The following KCNG4 variants were observed in gnomAD, a reference collection of about 807,000 sequenced individuals.
KCNG4 encodes the protein potassium voltage-gated channel modifier subfamily G member 4.
Under a neutral mutation model 28.2 loss-of-function variants are expected in KCNG4, and 30 were observed. The observed-to-expected ratio is 1.06, with a 90% CI of 0.80 to 1.44. The LOEUF is 1.44. KCNG4 is among the 40% of genes most tolerant of loss of function. The pLI is 0.00. For missense variants in KCNG4, 879 were observed against 712.3 expected, an observed-to-expected ratio of 1.23 and a Z score of -2.66; for synonymous variants, 375 against 315.5, an observed-to-expected ratio of 1.19 and a Z score of -2.00.
chr16:84,230,266 A>G (rs371515415), intron 2 of KCNG4, among the ~76,000 whole-genome samples: 297 of 152,190 alleles, frequency 2.0e-3, no homozygotes, highest in Non-Finnish European at 2.8e-3. Flanking sequence ...TTAGCTGGGC[A>G]TGGTGGTGGG....
Position 84,237,109 on chromosome 16 carries a change from A to G in KCNG4, c.377T>C (p.Phe126Ser). ...SPSAFGVIVSFLAAGKLVLLQ... is the reference protein window; with the variant it reads ...SPSAFGVIVSSLAAGKLVLLQ... ...AAGCACCAGCTTCCCGGCCGCCAGGAAGCTCACGATCACCCCGAAGGCGCT... is the reference window on the plus strand; with the variant it reads ...AAGCACCAGCTTCCCGGCCGCCAGGGAGCTCACGATCACCCCGAAGGCGCT... Residue 126 changes from phenylalanine (F) to serine (S), a missense_variant, in exon 2 of 3, where the codon TTC (phenylalanine) becomes TCC (serine). Phe to Ser is a radical substitution (Grantham distance 155). Transcript: ENST00000308251. 2 of 1,614,096 alleles carry G rather than the reference A, an allele frequency of 1.2e-6. No homozygotes were observed. The highest frequency in any genetic ancestry group is 1.7e-6 in the Non-Finnish European group (2 of 1,180,020).
At chr16:84,227,079 A>G (rs34731369) in intron 2 of KCNG4, among the ~76,000 whole-genome samples, 12,983 of 152,286 alleles carry the variant, frequency 0.085, 636 homozygotes, top group Middle Eastern at 0.12. Flanking sequence ...GATGGCTAAA[A>G]TCATAAAGAC....
intron 2 of KCNG4, among the ~76,000 whole-genome samples, chr16:84,224,163 G>C (rs374245564): frequency 8.5e-5 from 13 of 152,212 alleles, no homozygotes; most frequent in African/African-American, 2.6e-4. Context: ...CAGTTAACAA[G>C]GTCTCCAGGT....
rs541665339 is a variant in KCNG4, at chr16:84,236,612, A to G, written c.756+118T>C. On this transcript the variant is annotated intron_variant, in intron 2 of 2. Coordinates refer to ENST00000308251, the MANE Select transcript of KCNG4 (RefSeq NM_172347.3). ...TAATGAATATAACCCATGTTGGATA[A>G]TATTCATTTTTTTCTTCTTATTTTA... The G allele has an allele frequency of 7.6e-6, 8 of 1,052,954 alleles. No homozygotes were observed. In the African/African-American group the frequency reaches 1.3e-4, roughly 17 times the overall value. The allele number at this position is 1,052,954 out of a possible 1,614,324, so 65.2% of individuals were successfully genotyped here. A position where few individuals can be genotyped will look rare whatever the true frequency, so the allele number is the denominator to read the frequency against.
rs891118602 is a variant in KCNG4 at position 84,218,827 on chromosome 16, A to G, written c.*3390T>C. 4.6e-5 allele frequency: 7 copies of G among 152,216 alleles called. No homozygotes were observed. Among genetic ancestry groups the G allele is most frequent in the South Asian group, 2.1e-4 (1 of 4,834 alleles). The allele number at this position is 152,216 out of a possible 1,614,324, so 9.4% of individuals were successfully genotyped here. ...GTGCTTCACCTAATTTTGATTTTAA[A>G]TGTTTCTTTTAGTGCTGGCACACTT... On this transcript the variant is annotated 3_prime_UTR_variant, in exon 3 of 3. Transcript: ENST00000308251.
At chr16:84,229,622 G>A (rs1056531018) in intron 2 of KCNG4, among the ~76,000 whole-genome samples, 4 of 152,242 alleles carry the variant, frequency 2.6e-5, no homozygotes, top group East Asian at 1.9e-4. Flanking sequence ...GCACAGGCCC[G>A]GCCTGCAGGG....
chr16:84,231,841 TA>T (rs1364743970), intron 2 of KCNG4, among the ~76,000 whole-genome samples: 7 of 151,864 alleles, frequency 4.6e-5, no homozygotes, highest in Non-Finnish European at 1.0e-4. Context: ...TCATCTCTAC[TA>T]AAAATACAAA....
In KCNG4 at chr16:84,237,375, C is replaced by G. The variant is rs781060896; in HGVS notation, c.111G>C (p.Lys37Asn). ...LSSPMETPSI[K>N]GLYYRRVRKV... is the part of the protein sequence containing the mutation. The stretch of plus-strand genomic sequence containing the variant: ...TCCGCACCCTCCGGTAGTAAAGGCC[C>G]TTGATGGACGGCGTCTCCATGGGGC... Residue 37 changes from lysine (K) to asparagine (N), a missense_variant, in exon 2 of 3, where the codon AAG becomes AAC. Physicochemically the swap from Lys to Asn is moderately conservative, Grantham distance 94 (BLOSUM62 0). Coordinates refer to ENST00000308251, the MANE Select transcript of KCNG4 (RefSeq NM_172347.3). 1.3e-6 allele frequency: 2 copies of G among 1,540,532 alleles called. No homozygotes were observed. The highest frequency in any genetic ancestry group is 2.8e-5 in the African/African-American group (2 of 72,488).
Position 84,222,162 on chromosome 16 carries a change from T to A in KCNG4, c.*55A>T. ...GGTCTATGCGGGGTACCCTTGAGTG[T>A]GTTTCAGGCAGGGTGATGGGTTGAG... is the stretch of plus-strand genomic sequence containing the variant. On this transcript the variant is annotated 3_prime_UTR_variant, in exon 3 of 3. Transcript: ENST00000308251. 1 of 1,559,392 alleles carries A rather than the reference T, an allele frequency of 6.4e-7. No homozygotes were observed. The highest frequency in any genetic ancestry group is 8.8e-7 in the Non-Finnish European group (1 of 1,136,190).
intron 1 of KCNG4, among the ~76,000 whole-genome samples, chr16:84,238,550 C>T (rs963217946): frequency 3.1e-4 from 47 of 152,308 alleles, no homozygotes; most frequent in African/African-American, 1.1e-3. Flanking sequence ...GTTACTCCCC[C>T]TCTCTGGGCC....
rs373387170 is a variant in KCNG4 at position 84,222,721 on chromosome 16, G to A, written c.1056C>T (p.Arg352=). Residue 352 remains arginine, a synonymous_variant, in exon 3 of 3, where the codon CGC becomes CGT. Transcript: ENST00000308251. ...LRILYVMRLA[R]HSLGLQTLGL... ...CCAGCGTCTGCAGCCCCAGCGAGTG[G>A]CGAGCCAGGCGCATCACGTAGAGGA... 2.5e-6 allele frequency: 4 copies of A among 1,612,810 alleles called. No individual in the cohort carries two copies. The African/African-American group carries it at 5.3e-5, about 22-fold the overall frequency.
In KCNG4 at chr16:84,222,226, C is replaced by T; in HGVS notation, c.1551G>A (p.Met517Ile). The T allele has an allele frequency of 1.9e-6, 3 of 1,613,982 alleles. No individual in the cohort carries two copies. The highest frequency in any genetic ancestry group is 2.5e-6 in the Non-Finnish European group (3 of 1,179,982). Residue 517 changes from methionine (M) to isoleucine (I), a missense_variant, in exon 3 of 3, where the codon ATG becomes ATA. Met to Ile is a conservative substitution (Grantham distance 10, BLOSUM62 1). Coordinates refer to ENST00000308251, the MANE Select transcript of KCNG4 (RefSeq NM_172347.3). ...LILEGPALPI[M>I]HM ...CATGGGGGGTGCTGAGTTACATGTG[C>T]ATGATAGGCAAGGCTGGGCCCTCCA... is the stretch of plus-strand genomic sequence containing the variant.
chr16:84,224,709 G>C (rs1468313124), intron 2 of KCNG4, among the ~76,000 whole-genome samples: 1 of 152,200 alleles, frequency 6.6e-6, no homozygotes, highest in Non-Finnish European at 1.5e-5. Context: ...GACTATTGCA[G>C]GGGTGGGAGT....
At chr16:84,239,092 T>G (rs1252174341) in intron 1 of KCNG4, among the ~76,000 whole-genome samples, 1 of 152,184 alleles carries the variant, frequency 6.6e-6, no homozygotes, top group Non-Finnish European at 1.5e-5. Context: ...CATTTTCAGA[T>G]GCACTCCACT....
chr16:84,231,567 C>T (rs1904828720), intron 2 of KCNG4, among the ~76,000 whole-genome samples: 1 of 152,136 alleles, frequency 6.6e-6, no homozygotes, highest in African/African-American at 2.4e-5. Context: ...CAGACCAGGA[C>T]ATGAGGCTGC....
rs562974985 is a variant in KCNG4 at position 84,236,969 on chromosome 16, C to G, written c.517G>C (p.Glu173Gln). ...RKLLRKLEEL[E>Q]ELAKLHREDV... is the part of the protein sequence containing the mutation. ...TCCCTGTGCAGCTTGGCCAGCTCCT[C>G]CAGCTCCTCCAGCTTCCTCAGCAGC... is the stretch of plus-strand genomic sequence containing the variant. The change falls in exon 2 of 3, where the codon GAG becomes CAG. Residue 173 changes from glutamate to glutamine, a missense_variant. Physicochemically the swap from Glu to Gln is conservative, Grantham distance 29. Coordinates refer to ENST00000308251, the MANE Select transcript of KCNG4 (RefSeq NM_172347.3). 2 of 1,613,764 alleles carry G rather than the reference C, an allele frequency of 1.2e-6. No homozygotes were observed.
chr16:84,224,403 T>TACACACACACACACACACACAC (rs58296563), intron 2 of KCNG4, among the ~76,000 whole-genome samples: 1 of 58,642 alleles, frequency 1.7e-5, no homozygotes, highest in Non-Finnish European at 3.6e-5. Context: ...TATACATATT[T>TACACACACACACACACACACAC]ACACACACAC....
Position 84,222,088 on chromosome 16 carries a change from C to T in KCNG4, c.*129G>A, listed in dbSNP as rs1389189862. On this transcript the variant is annotated 3_prime_UTR_variant, in exon 3 of 3. Transcript: ENST00000308251. ...GACACACAGCCTCTGTGGCCTTATG[C>T]CCCTCCAGCTTTGAAAGTCTTCCCT... The T allele has an allele frequency of 3.0e-6, 3 of 1,013,748 alleles. No individual in the cohort carries two copies. The highest frequency in any genetic ancestry group is 3.2e-5 in the African/African-American group (2 of 62,518). The allele number at this position is 1,013,748 out of a possible 1,614,324, so 62.8% of individuals were successfully genotyped here. A position where few individuals can be genotyped will look rare whatever the true frequency, so the allele number is the denominator to read the frequency against.
rs1904494686 is a variant in KCNG4, at chr16:84,219,043, TTG to T, written c.*3172_*3173del. The T allele has an allele frequency of 6.6e-6, 1 of 152,246 alleles. No homozygotes were observed. Among genetic ancestry groups the T allele is most frequent in the African/African-American group, 2.4e-5 (1 of 41,458 alleles). 9.4% of individuals were successfully genotyped at this position (152,246 alleles called of 1,614,324 possible). On this transcript the variant is annotated 3_prime_UTR_variant, in exon 3 of 3. Coordinates refer to ENST00000308251, the MANE Select transcript of KCNG4 (RefSeq NM_172347.3). ...AGACCTTCCAGTGGCTGTTTAGGCT[TTG>T]TCTCTGGTTCCAGAATGAGCTTACC...
Sources: allele counts gnomAD v4.1 joint callset (sites outside exome capture counted in the v4.1 genomes callset), GRCh38; gene constraint gnomAD v4.1.1; transcripts MANE v1.5; gene names NCBI Gene and HGNC (gene_info 2026-07-23, HGNC 2026-07-21).